The following KLHL21 variants were observed in gnomAD, a reference collection of about 807,000 sequenced individuals.
The protein encoded by KLHL21 is kelch-like protein 21.
Under a neutral mutation model 44.1 loss-of-function variants are expected in KLHL21, and 42 were observed. The observed-to-expected ratio is 0.95, with a 90% CI of 0.74 to 1.23. The LOEUF (loss-of-function observed/expected upper bound fraction) is 1.23. Among genes scored for constraint, KLHL21 ranks in the 50% most tolerant of loss-of-function variants. The pLI, the probability that KLHL21 is intolerant of heterozygous loss-of-function variation, is 0.00. For missense variants in KLHL21, 918 were observed against 889.1 expected (o/e 1.03, Z -0.41); for synonymous variants, 524 against 411.6 (o/e 1.27, Z -3.31).
At position 6,602,650 on chromosome 1, in the gene KLHL21, G is replaced by A. The variant is rs988269647; in HGVS notation, c.168C>T (p.Ala56=). The change falls in exon 1 of 4, where the codon GCC becomes GCT. Residue 56 remains alanine, a synonymous_variant. Transcript: ENST00000377658. ...DFPAHRAVLA[A]ASPYFRAMFA... ...ACATGGCGCGGAAGTAGGGGCTGGCGGCGGCCAGCACCGCACGGTGCGCCG... is the reference window on the plus strand; with the variant it reads ...ACATGGCGCGGAAGTAGGGGCTGGCAGCGGCCAGCACCGCACGGTGCGCCG... 40 of 1,515,766 alleles carry A rather than the reference G, an allele frequency of 2.6e-5. No individual in the cohort carries two copies. The highest frequency in any genetic ancestry group is 3.2e-5 in the Non-Finnish European group (37 of 1,138,816). 93.9% of individuals were successfully genotyped at this position (1,515,766 alleles called of 1,614,324 possible). A position where few individuals can be genotyped will look rare whatever the true frequency, so the allele number is the denominator to read the frequency against.
At chr1:6,595,235 C>G in intron 3 of KLHL21, 1 of 612,030 alleles carries the variant, frequency 1.6e-6, no homozygotes, top group African/African-American at 1.8e-5. Context: ...TCCTTCTGCT[C>G]TCTGGCTCAC....
At chr1:6,601,318 AG>A (rs1308026388) in intron 1 of KLHL21, among the ~76,000 whole-genome samples, 1 of 152,170 alleles carries the variant, frequency 6.6e-6, no homozygotes, top group African/African-American at 2.4e-5. Context: ...CCTAGGTGCA[AG>A]CCCAAGGGAA....
intron 2 of KLHL21, among the ~76,000 whole-genome samples, chr1:6,595,766 C>T (rs576241162): frequency 1.3e-5 from 2 of 152,348 alleles, no homozygotes; most frequent in Admixed American, 1.3e-4. Context: ...GCCAGGGCTC[C>T]AGGGCCAGAA....
At chr1:6,599,641 C>A (rs1309748219) in intron 1 of KLHL21, 189 bp from the exon 2 acceptor site, 1 of 622,998 alleles carries the variant, frequency 1.6e-6, no homozygotes, top group Non-Finnish European at 2.8e-6. Context: ...ACGCTGACCA[C>A]TGTCCAGCGA....
At position 6,602,775 on chromosome 1, in the gene KLHL21, G is replaced by A. The variant is rs774459165; in HGVS notation, c.43C>T (p.Pro15Ser). 2.0e-6 allele frequency: 3 copies of A among 1,481,088 alleles called. No homozygotes were observed. Among genetic ancestry groups the A allele is most frequent in the East Asian group, 5.7e-5 (2 of 35,116 alleles). 91.7% of individuals were successfully genotyped at this position (1,481,088 alleles called of 1,614,324 possible). ...APLAVLPFSD[P>S]AHALSLLRGL... ...CGCAGCAGGCTCAGGGCGTGCGCGG[G>A]GTCCGAGAAGGGAAGCACGGCCAGG... The change falls in exon 1 of 4, where the codon CCC (proline) becomes TCC (serine). Residue 15 changes from proline to serine, a missense_variant. By Grantham distance (74) the Pro-to-Ser change is moderately conservative. Transcript: ENST00000377658.
intron 2 of KLHL21, among the ~76,000 whole-genome samples, chr1:6,598,607 G>A (rs1291438205): frequency 6.6e-6 from 1 of 152,034 alleles, no homozygotes; most frequent in Admixed American, 6.6e-5. Context: ...AACAGACCGG[G>A]TGCAGTGGCT....
At chr1:6,598,653 C>T (rs774927600) in intron 2 of KLHL21, among the ~76,000 whole-genome samples, 59 of 152,182 alleles carry the variant, frequency 3.9e-4, no homozygotes, top group Non-Finnish European at 7.4e-4. Context: ...GAGGCCAAGG[C>T]GGACCGATCA....
chr1:6,602,589 CCCGCT>C lies in KLHL21; in HGVS notation c.224_228del (p.Glu75GlyfsTer31). On this transcript the variant is annotated frameshift_variant, in exon 1 of 4. Transcript: ENST00000377658. LOFTEE classifies it high-confidence loss of function. ...TCGGGAGGCACTCCGTGCAGGCGCA[CCCGCT>C]CGGCGCGGCTCTCGCGCAGCTGCCC... The C allele has an allele frequency of 2.0e-6, 3 of 1,528,940 alleles. No homozygotes were observed. Among genetic ancestry groups the C allele is most frequent in the Non-Finnish European group, 2.6e-6 (3 of 1,142,956 alleles). 94.7% of individuals were successfully genotyped at this position (1,528,940 alleles called of 1,614,324 possible).
chr1:6,596,603 T>C (rs1169688011), intron 2 of KLHL21, among the ~76,000 whole-genome samples: 2 of 152,214 alleles, frequency 1.3e-5, no homozygotes, highest in Non-Finnish European at 2.9e-5. Context: ...TGAAATGTTA[T>C]TCCTGATTTT....
intron 2 of KLHL21, among the ~76,000 whole-genome samples, chr1:6,597,652 CT>C (rs1640946261): frequency 6.6e-6 from 1 of 152,180 alleles, no homozygotes; most frequent in Non-Finnish European, 1.5e-5. Flanking sequence ...AGCCTCCTGT[CT>C]GGGGGGATGG....
chr1:6,592,028 CCA>C lies in KLHL21; in HGVS notation c.*1335_*1336del, dbSNP rs897003113. The C allele has an allele frequency of 7.2e-5, 11 of 152,320 alleles. No homozygotes were observed. Among genetic ancestry groups the C allele is most frequent in the Non-Finnish European group, 1.6e-4 (11 of 68,096 alleles). 9.4% of individuals were successfully genotyped at this position (152,320 alleles called of 1,614,324 possible). ...CTTCCTAACCCGACAGCAATGACATCCACAGTGTATGGACTGGGCTCTTGAGG... is the reference window on the plus strand; with the variant it reads ...CTTCCTAACCCGACAGCAATGACATCCAGTGTATGGACTGGGCTCTTGAGG... On this transcript the variant is annotated 3_prime_UTR_variant, in exon 4 of 4. Transcript: ENST00000377658.
Position 6,601,953 on chromosome 1 carries a change from C to G in KLHL21, c.865G>C (p.Val289Leu). The change falls in exon 1 of 4, where the codon GTG becomes CTG. Residue 289 changes from valine to leucine, a missense_variant. By Grantham distance (32) the Val-to-Leu change is conservative. Coordinates refer to ENST00000377658, the MANE Select transcript of KLHL21 (RefSeq NM_014851.4). ...TCCTGGTCGCAGCCGCCCACGAGCA[C>G]GAGGATCTCGGCGAGACCGGTGGAC... is the stretch of plus-strand genomic sequence containing the variant. ...RPSTGLAEIL[V>L]LVGGCDQDCD... 2 of 1,559,458 alleles carry G rather than the reference C, an allele frequency of 1.3e-6. No homozygotes were observed. The highest frequency in any genetic ancestry group is 1.7e-6 in the Non-Finnish European group (2 of 1,152,232).
chr1:6,602,648 G>A lies in KLHL21; in HGVS notation c.170C>T (p.Ala57Val), dbSNP rs556704664. 2.2e-4 allele frequency: 330 copies of A among 1,515,660 alleles called. No individual in the cohort carries two copies. In the African/African-American group the frequency reaches 4.3e-3, roughly 20 times the overall value. 93.9% of individuals were successfully genotyped at this position (1,515,660 alleles called of 1,614,324 possible). The change falls in exon 1 of 4, where the codon GCC (alanine) becomes GTC (valine). Residue 57 changes from alanine to valine, a missense_variant. Transcript: ENST00000377658. The stretch of plus-strand genomic sequence containing the variant: ...GAACATGGCGCGGAAGTAGGGGCTG[G>A]CGGCGGCCAGCACCGCACGGTGCGC... The part of the protein sequence containing the change: ...FPAHRAVLAA[A>V]SPYFRAMFAG...
Position 6,590,909 on chromosome 1 carries a change from A to T in KLHL21, c.*2456T>A. On this transcript the variant is annotated 3_prime_UTR_variant, in exon 4 of 4. Transcript: ENST00000377658. ...TTATTACATACGCGTCTCTGAAGTCATATAAATATAGAATACCTTATAGTA... is the reference window on the plus strand; with the variant it reads ...TTATTACATACGCGTCTCTGAAGTCTTATAAATATAGAATACCTTATAGTA... 1 of 398,678 alleles carries T rather than the reference A, an allele frequency of 2.5e-6. No individual in the cohort carries two copies. Among genetic ancestry groups the T allele is most frequent in the Admixed American group, 4.4e-5 (1 of 22,736 alleles). 24.7% of individuals were successfully genotyped at this position (398,678 alleles called of 1,614,324 possible).
intron 2 of KLHL21, among the ~76,000 whole-genome samples, chr1:6,596,808 A>G (rs1302668087): frequency 1.3e-5 from 2 of 152,182 alleles, no homozygotes; most frequent in African/African-American, 4.8e-5. Context: ...CACCCCAGCC[A>G]AGGAGGCATT....
At position 6,602,438 on chromosome 1, in the gene KLHL21, G is replaced by A. The variant is rs925456126; in HGVS notation, c.380C>T (p.Ala127Val). 14 of 1,590,622 alleles carry A rather than the reference G, an allele frequency of 8.8e-6. No individual in the cohort carries two copies. In the African/African-American group the frequency reaches 1.5e-4, roughly 17 times the overall value. The change falls in exon 1 of 4, where the codon GCC (alanine) becomes GTC (valine). Residue 127 changes from alanine (A) to valine (V), a missense_variant. Transcript: ENST00000377658. Reference protein sequence around the residue: ...QFPAVKEACGAFLQQQLDLAN... With the variant: ...QFPAVKEACGVFLQQQLDLAN... ...CAGGTCGAGCTGCTGCTGCAGGAAG[G>A]CCCCGCACGCCTCCTTCACGGCCGG... is the stretch of plus-strand genomic sequence containing the variant.
At chr1:6,596,715 C>T (rs1640932443) in intron 2 of KLHL21, among the ~76,000 whole-genome samples, 1 of 152,180 alleles carries the variant, frequency 6.6e-6, no homozygotes, top group African/African-American at 2.4e-5. Context: ...TGCTAGGCTG[C>T]CCTGTCTTTC....
In KLHL21 at chr1:6,602,073, G is replaced by C. The variant is rs1172242574; in HGVS notation, c.745C>G (p.Pro249Ala). The C allele has an allele frequency of 2.7e-6, 4 of 1,501,786 alleles. No individual in the cohort carries two copies. The South Asian group carries it at 5.1e-5, about 19-fold the overall frequency. 93.0% of individuals were successfully genotyped at this position (1,501,786 alleles called of 1,614,324 possible). Residue 249 changes from proline (P) to alanine (A), a missense_variant, in exon 1 of 4, where the codon CCC becomes GCC. By Grantham distance (27) the Pro-to-Ala change is conservative (BLOSUM62 -1). Coordinates refer to ENST00000377658, the MANE Select transcript of KLHL21 (RefSeq NM_014851.4). ...GCCTCGCGCAGCAGGCGCAGGCAGG[G>C]TGGGCAGCGCGCCACCAGCGGCTCG... ...EAEPLVARCP[P>A]CLRLLREARD...
In KLHL21 at chr1:6,599,303, T is replaced by C. The variant is rs1310702857; in HGVS notation, c.1171A>G (p.Ser391Gly). ...GTGGTGTGGTCATAGCGCTCGGTGCTGTCGGCGGCCACCACGTACAGCAGT... is the reference window on the plus strand; with the variant it reads ...GTGGTGTGGTCATAGCGCTCGGTGCCGTCGGCGGCCACCACGTACAGCAGT... Reference protein sequence around the residue: ...DGLLYVVAADSTERYDHTTDS... With the variant: ...DGLLYVVAADGTERYDHTTDS... Residue 391 changes from serine (S) to glycine (G), a missense_variant, in exon 2 of 4, where the codon AGC becomes GGC. Physicochemically the swap from Ser to Gly is moderately conservative, Grantham distance 56. Transcript: ENST00000377658. The C allele has an allele frequency of 1.2e-6, 2 of 1,614,004 alleles. No homozygotes were observed. Among genetic ancestry groups the C allele is most frequent in the Admixed American group, 1.7e-5 (1 of 60,028 alleles).
Sources: gnomAD v4.1 joint callset for allele counts (sites outside exome capture counted in the v4.1 genomes callset) on GRCh38, gnomAD v4.1.1 for gene constraint, MANE v1.5 for transcripts, NCBI Gene and HGNC (gene_info 2026-07-23, HGNC 2026-07-21) for gene names.